Variants in EBF1 observed in about 807,000 individuals in gnomAD.
EBF1 encodes EBF transcription factor 1.
A neutral mutation model predicts 68.4 loss-of-function variants in EBF1; 10 were observed. That is an observed-to-expected ratio of 0.15 (90% CI 0.09 to 0.25). EBF1 has a LOEUF of 0.25. Among genes scored for constraint, EBF1 ranks in the 10% least tolerant of loss-of-function variants. The pLI is 1.00. For synonymous variants in EBF1, 298 were observed against 299.8 expected, an observed-to-expected ratio of 0.99 and a Z score of 0.06; for missense variants, 509 against 794.4, an observed-to-expected ratio of 0.64 and a Z score of 4.32.
chr5:158,863,471 C>T (rs574149181), intron 6 of EBF1, among the ~76,000 whole-genome samples: 14 of 152,226 alleles, frequency 9.2e-5, no homozygotes, highest in South Asian at 2.1e-4. Flanking sequence ...ATCCTCAGAA[C>T]CTGAGATAGA....
In EBF1 at chr5:159,052,016, ATT is replaced by A. The variant is rs201213885; in HGVS notation, c.554+21378_554+21379del. ...AGGCTCATAAGACACACGCAAAAAA[ATT>A]ATTATTATTATGGGCTCTTCTGGAA... On this transcript the variant is annotated intron_variant, in intron 6 of 15. Coordinates refer to ENST00000313708, the MANE Select transcript of EBF1 (RefSeq NM_024007.5). Among the ~76,000 whole-genome samples the A allele has an allele frequency of 3.2e-5, 4 of 123,086 alleles. No individual in the cohort carries two copies. The East Asian group carries it at 6.8e-4, about 21-fold the overall frequency. 80.7% of individuals were successfully genotyped at this position (123,086 alleles called of 152,430 possible). A position where few individuals can be genotyped will look rare whatever the true frequency, so the allele number is the denominator to read the frequency against.
chr5:158,976,044 A>G (rs1756675806), intron 6 of EBF1, among the ~76,000 whole-genome samples: 1 of 152,184 alleles, frequency 6.6e-6, no homozygotes, highest in Non-Finnish European at 1.5e-5. Flanking sequence ...CCAAAAGCAA[A>G]TAGATCCAGC....
chr5:158,781,856 A>G (rs1180481571), intron 9 of EBF1, among the ~76,000 whole-genome samples: 2 of 152,084 alleles, frequency 1.3e-5, no homozygotes, highest in African/African-American at 2.4e-5. Context: ...CACCATAATT[A>G]TCTTCTTCAA....
chr5:158,783,684 C>T (rs564089375), intron 9 of EBF1, among the ~76,000 whole-genome samples: 11 of 152,218 alleles, frequency 7.2e-5, no homozygotes, highest in Admixed American at 1.3e-4. Context: ...GTTAGCCAGG[C>T]GAGATATGCC....
Position 159,030,573 on chromosome 5 carries a change from T to C in EBF1, c.554+42823A>G, listed in dbSNP as rs144445029. Among the ~76,000 whole-genome samples the C allele has an allele frequency of 2.9e-3, 443 of 152,140 alleles. 1 individual carries two copies. Among genetic ancestry groups the C allele is most frequent in the Non-Finnish European group, 4.3e-3 (295 of 67,978 alleles). ...TCCTTACAGGGACAACAGGATCCGATCTGAGCGGAGGGCCAGGTGGGAAAG... is the reference window on the plus strand; with the variant it reads ...TCCTTACAGGGACAACAGGATCCGACCTGAGCGGAGGGCCAGGTGGGAAAG... On this transcript the variant is annotated intron_variant, in intron 6 of 15. Coordinates refer to ENST00000313708, the MANE Select transcript of EBF1 (RefSeq NM_024007.5).
At chr5:159,048,692 A>G (rs1488377441) in intron 6 of EBF1, among the ~76,000 whole-genome samples, 1 of 152,110 alleles carries the variant, frequency 6.6e-6, no homozygotes, top group East Asian at 1.9e-4. Context: ...GATCATGCCC[A>G]TATAAACTAC....
At chr5:159,077,076 G>T (rs909865817) in intron 5 of EBF1, among the ~76,000 whole-genome samples, 9 of 152,188 alleles carry the variant, frequency 5.9e-5, no homozygotes, top group Non-Finnish European at 2.9e-5. Flanking sequence ...GGAAGAGACA[G>T]TTTTTACAAG....
chr5:158,716,200 C>A (rs1307617661), intron 11 of EBF1, among the ~76,000 whole-genome samples: 3 of 152,220 alleles, frequency 2.0e-5, no homozygotes, highest in South Asian at 4.1e-4. Context: ...AACATACCAT[C>A]TATCAGTATA....
chr5:158,938,716 C>T (rs927344901), intron 6 of EBF1, among the ~76,000 whole-genome samples: 9 of 152,264 alleles, frequency 5.9e-5, no homozygotes, highest in East Asian at 3.9e-4. Context: ...CTTATGAAGA[C>T]GGTAATGCCA....
intron 11 of EBF1, among the ~76,000 whole-genome samples, chr5:158,719,023 C>A (rs944106590): frequency 6.6e-6 from 1 of 152,128 alleles, no homozygotes; most frequent in Non-Finnish European, 1.5e-5. Context: ...TTCTAAGATA[C>A]AGTTACTGAT....
At chr5:158,834,996 T>G (rs1166356592) in intron 7 of EBF1, among the ~76,000 whole-genome samples, 2 of 152,050 alleles carry the variant, frequency 1.3e-5, no homozygotes, top group East Asian at 3.9e-4. Flanking sequence ...GACCAGAGTT[T>G]TTTTGTGCCA....
intron 6 of EBF1, among the ~76,000 whole-genome samples, chr5:158,882,761 C>T (rs563095407): frequency 7.2e-5 from 11 of 152,306 alleles, no homozygotes; most frequent in South Asian, 2.1e-4. Flanking sequence ...TAGGAGGTTT[C>T]GATAGCACAG....
At chr5:158,794,581 T>C (rs914752745) in intron 9 of EBF1, among the ~76,000 whole-genome samples, 2 of 152,160 alleles carry the variant, frequency 1.3e-5, no homozygotes, top group African/African-American at 4.8e-5. Context: ...ACCCACCTCC[T>C]TCTCAAAGGG....
At chr5:158,740,642 G>C (rs1448371980) in intron 10 of EBF1, among the ~76,000 whole-genome samples, 1 of 152,170 alleles carries the variant, frequency 6.6e-6, no homozygotes, top group Admixed American at 6.5e-5. Context: ...GCCATGCAGC[G>C]AGCTACAATG....
At chr5:158,706,937 A>G (rs1275471485) in intron 15 of EBF1, among the ~76,000 whole-genome samples, 3 of 152,230 alleles carry the variant, frequency 2.0e-5, no homozygotes, top group Non-Finnish European at 4.4e-5. Flanking sequence ...TCAGTGCTCA[A>G]TAAATGGTGG....
chr5:158,760,260 A>G (rs1277281633), intron 10 of EBF1, among the ~76,000 whole-genome samples: 1 of 152,210 alleles, frequency 6.6e-6, no homozygotes, highest in African/African-American at 2.4e-5. Context: ...AATGTAAAAC[A>G]ATGCCCCATT....
chr5:158,784,932 T>A (rs1197147161), intron 9 of EBF1, among the ~76,000 whole-genome samples: 1 of 152,192 alleles, frequency 6.6e-6, no homozygotes, highest in East Asian at 1.9e-4. Flanking sequence ...CACCAGCTCC[T>A]ATGTGCTCTG....
At chr5:159,020,870 TATTTA>T in intron 6 of EBF1, among the ~76,000 whole-genome samples, 2 of 152,250 alleles carry the variant, frequency 1.3e-5, no homozygotes. Context: ...TAGCTACAGT[TATTTA>T]ATTTATACAA....
chr5:158,933,125 A>C (rs956351895), intron 6 of EBF1, among the ~76,000 whole-genome samples: 1 of 152,100 alleles, frequency 6.6e-6, no homozygotes, highest in Non-Finnish European at 1.5e-5. Flanking sequence ...CTGTCAATAC[A>C]TACATACGGG....
Sources: allele counts gnomAD v4.1 joint callset (sites outside exome capture counted in the v4.1 genomes callset), GRCh38; gene constraint gnomAD v4.1.1; transcripts MANE v1.5; gene names NCBI Gene and HGNC (gene_info 2026-07-23, HGNC 2026-07-21).